The following BPNT1 variants were observed in gnomAD, a reference collection of about 807,000 sequenced individuals.
BPNT1 encodes 3'(2'), 5'-bisphosphate nucleotidase 1, also known as 3'(2'),5'-bisphosphate nucleotidase 1.
Under a neutral mutation model 36.9 loss-of-function variants are expected in BPNT1, and 28 were observed. That is an observed-to-expected ratio of 0.76 (90% confidence interval 0.56 to 1.04). The LOEUF (loss-of-function observed/expected upper bound fraction) is 1.04, where lower values mean the gene tolerates loss of function less well. BPNT1 is among the 50% of genes least tolerant of loss of function. BPNT1 has a pLI of 0.00. For synonymous variants in BPNT1, 119 were observed against 130.9 expected (o/e 0.91, Z 0.62); for missense variants, 313 against 372.9 (o/e 0.84, Z 1.32).
At chr1:220,078,770 G>GT (rs1664838365) in intron 2 of BPNT1, among the ~76,000 whole-genome samples, 1 of 151,548 alleles carries the variant, frequency 6.6e-6, no homozygotes, top group Admixed American at 6.6e-5. Context: ...GCTAATTTTT[G>GT]TATTTTTAGT....
intron 1 of BPNT1, among the ~76,000 whole-genome samples, chr1:220,086,636 C>T (rs1051663676): frequency 1.3e-5 from 2 of 151,306 alleles, no homozygotes; most frequent in African/African-American, 2.4e-5. Flanking sequence ...AGTGCAGTGG[C>T]GAGATCACGG....
In BPNT1 at chr1:220,086,627, G is replaced by C. The variant is rs1190942327; in HGVS notation, c.-9+3059C>G. 2.0e-5 allele frequency among the ~76,000 whole-genome samples: 3 copies of C among 151,580 alleles called. No homozygotes were observed. In the East Asian group the frequency reaches 5.9e-4, roughly 30 times the overall value. ...GTCTCACTCTGTTGTCCAGGCTGGA[G>C]TGCAGTGGCGAGATCACGGCTCACT... is the stretch of plus-strand genomic sequence containing the variant. On this transcript the variant is annotated intron_variant, in intron 1 of 8. Transcript: ENST00000322067.
chr1:220,067,955 A>G (rs962985549), intron 5 of BPNT1, among the ~76,000 whole-genome samples: 2 of 152,176 alleles, frequency 1.3e-5, no homozygotes, highest in African/African-American at 4.8e-5. Flanking sequence ...AGTTGTCTAG[A>G]GCTTCCTTAT....
chr1:220,066,262 G>A (rs1347908744), intron 6 of BPNT1: 1 of 487,030 alleles, frequency 2.1e-6, no homozygotes, highest in Non-Finnish European at 3.5e-6. Flanking sequence ...GAAAGTAATA[G>A]TATTAACTTA....
intron 1 of BPNT1, among the ~76,000 whole-genome samples, chr1:220,086,494 G>A (rs1404461990): frequency 2.0e-5 from 3 of 151,924 alleles, no homozygotes; most frequent in Non-Finnish European, 2.9e-5. Context: ...GGCTGGTCTC[G>A]AACACCTGAC....
intron 5 of BPNT1, among the ~76,000 whole-genome samples, chr1:220,067,747 C>T (rs1204754607): frequency 6.6e-6 from 1 of 152,216 alleles, no homozygotes; most frequent in African/African-American, 2.4e-5. Flanking sequence ...CTGGATTACA[C>T]TCTAGACTTG....
chr1:220,080,587 C>T (rs772848218), intron 1 of BPNT1, among the ~76,000 whole-genome samples: 12 of 152,088 alleles, frequency 7.9e-5, no homozygotes, highest in Non-Finnish European at 1.3e-4. Flanking sequence ...AAGAGCCAAG[C>T]GAAGCGGGAG....
At chr1:220,075,148 A>G (rs763549415) in intron 2 of BPNT1, among the ~76,000 whole-genome samples, 2 of 152,088 alleles carry the variant, frequency 1.3e-5, no homozygotes, top group Non-Finnish European at 2.9e-5. Flanking sequence ...GCTTCAAGCA[A>G]TTCTCCTGCC....
chr1:220,057,814 G>A lies in BPNT1; in HGVS notation c.*1030C>T. 1 of 1,254,916 alleles carries A rather than the reference G, an allele frequency of 8.0e-7. No individual in the cohort carries two copies. Among genetic ancestry groups the A allele is most frequent in the Non-Finnish European group, 1.1e-6 (1 of 946,088 alleles). 77.7% of individuals were successfully genotyped at this position (1,254,916 alleles called of 1,614,324 possible). On this transcript the variant is annotated 3_prime_UTR_variant, in exon 9 of 9. Transcript: ENST00000322067. The stretch of plus-strand genomic sequence containing the variant: ...AATAACATCATATATATTCTTAATT[G>A]GAGTAGAAACGTTTTTAAAATTACT...
At chr1:220,067,151 A>C in intron 6 of BPNT1, 151 bp downstream of exon 6, 1 of 232,878 alleles carries the variant, frequency 4.3e-6, no homozygotes, top group East Asian at 9.2e-5. Flanking sequence ...AAAATAAATA[A>C]ATAAATAAAT....
At position 220,057,769 on chromosome 1, in the gene BPNT1, T is replaced by C; in HGVS notation, c.*1075A>G. The C allele has an allele frequency of 7.4e-6, 7 of 940,802 alleles. No individual in the cohort carries two copies. The highest frequency in any genetic ancestry group is 8.8e-6 in the Non-Finnish European group (6 of 681,178). 58.3% of individuals were successfully genotyped at this position (940,802 alleles called of 1,614,324 possible). A position where few individuals can be genotyped will look rare whatever the true frequency, so the allele number is the denominator to read the frequency against. ...ATTTAAAAAAAACTTTTCTCATAAA[T>C]CTGTTTCATAAGCATATATAATAAC... On this transcript the variant is annotated 3_prime_UTR_variant, in exon 9 of 9. Coordinates refer to ENST00000322067, the MANE Select transcript of BPNT1 (RefSeq NM_006085.6).
intron 1 of BPNT1, among the ~76,000 whole-genome samples, chr1:220,080,227 A>G (rs949551548): frequency 6.6e-6 from 1 of 152,210 alleles, no homozygotes; most frequent in Admixed American, 6.6e-5. Flanking sequence ...TGAGGAGCTA[A>G]TATTTTGGTG....
chr1:220,066,055 C>A, intron 6 of BPNT1: 1 of 1,512,632 alleles, frequency 6.6e-7, no homozygotes, highest in South Asian at 1.2e-5. Context: ...GAGCCAAAAC[C>A]CTAGCTATTT....
At chr1:220,069,361 A>G (rs1419162339) in intron 5 of BPNT1, 23 bp downstream of exon 5, 2 of 1,564,256 alleles carry the variant, frequency 1.3e-6, no homozygotes, top group Non-Finnish European at 8.7e-7. Context: ...ACTGTCAAAT[A>G]TGAATACAAA....
chr1:220,059,189 A>T (rs1007759896), intron 8 of BPNT1, among the ~76,000 whole-genome samples, 197 bp from the exon 9 acceptor site: 6 of 151,040 alleles, frequency 4.0e-5, no homozygotes, highest in African/African-American at 1.5e-4. Flanking sequence ...TAACTAAAGG[A>T]TATAAAATTA....
chr1:220,064,350 G>C (rs1027872149), intron 6 of BPNT1, among the ~76,000 whole-genome samples: 1 of 152,188 alleles, frequency 6.6e-6, no homozygotes, highest in Non-Finnish European at 1.5e-5. Flanking sequence ...CGCAGGTTGG[G>C]TTCCCTGGGA....
At position 220,059,834 on chromosome 1, in the gene BPNT1, A is replaced by G. The variant is rs757737307; in HGVS notation, c.673-43T>C. 124 of 1,417,870 alleles carry G rather than the reference A, an allele frequency of 8.7e-5. 1 individual carries two copies. Among genetic ancestry groups the G allele is most frequent in the Non-Finnish European group, 3.4e-5 (35 of 1,033,940 alleles). The allele number at this position is 1,417,870 out of a possible 1,614,324, so 87.8% of individuals were successfully genotyped here. A position where few individuals can be genotyped will look rare whatever the true frequency, so the allele number is the denominator to read the frequency against. On this transcript the variant is annotated intron_variant, in intron 7 of 8. Transcript: ENST00000322067. ...AGAATTATCCTTTGATAATAGAAAG[A>G]ATAATTGAAAGTCATGAAAAGATTG...
chr1:220,064,517 CT>C (rs1663353035), intron 6 of BPNT1, among the ~76,000 whole-genome samples: 1 of 152,160 alleles, frequency 6.6e-6, no homozygotes, highest in African/African-American at 2.4e-5. Flanking sequence ...TGCGGGGAGT[CT>C]GGAGCTACAA....
Position 220,082,085 on chromosome 1 carries a change from TAGAGAG to T in BPNT1, c.-8-2237_-8-2232del, listed in dbSNP as rs3055555. 4.7e-3 allele frequency among the ~76,000 whole-genome samples: 481 copies of T among 103,228 alleles called. 1 individual carries two copies. The highest frequency in any genetic ancestry group is 8.9e-3 in the South Asian group (27 of 3,026). 67.7% of individuals were successfully genotyped at this position (103,228 alleles called of 152,430 possible). A position where few individuals can be genotyped will look rare whatever the true frequency, so the allele number is the denominator to read the frequency against. On this transcript the variant is annotated intron_variant, in intron 1 of 8. Coordinates refer to ENST00000322067, the MANE Select transcript of BPNT1 (RefSeq NM_006085.6). ...GACAATATATATATATATATATATA[TAGAGAG>T]AGAGAGAGAGAGAGAGAGAGAGAGA...
Sources: allele counts gnomAD v4.1 joint callset (sites outside exome capture counted in the v4.1 genomes callset), GRCh38; gene constraint gnomAD v4.1.1; transcripts MANE v1.5; gene names NCBI Gene and HGNC (gene_info 2026-07-23, HGNC 2026-07-21).